The following SFI1 variants were observed in gnomAD, a reference collection of about 807,000 sequenced individuals.
The protein encoded by SFI1 is protein SFI1 homolog.
SFI1 carries 195 observed loss-of-function variants against 207.5 expected under a neutral mutation model. The ratio of observed to expected loss-of-function variants is 0.94; its 90% confidence interval spans 0.84 to 1.06. SFI1 has a LOEUF of 1.06. Ranked by LOEUF, SFI1 falls within the 50% of genes least tolerant of loss-of-function variation. The pLI, the probability that SFI1 is intolerant of heterozygous loss-of-function variation, is 0.00. For synonymous variants in SFI1, 630 were observed against 598.9 expected (o/e 1.05, Z -0.76); for missense variants, 1,634 against 1,588.0 (o/e 1.03, Z -0.49).
chr22:31,570,819 C>T (rs894575717), intron 8 of SFI1, among the ~76,000 whole-genome samples: 3 of 152,026 alleles, frequency 2.0e-5, no homozygotes, highest in East Asian at 1.9e-4. Context: ...GCTGAGCCTG[C>T]GAGGTGCACA....
At chr22:31,511,538 G>A (rs914773101) in intron 2 of SFI1, among the ~76,000 whole-genome samples, 2 of 140,394 alleles carry the variant, frequency 1.4e-5, no homozygotes, top group African/African-American at 5.2e-5. Context: ...CGCGATCTCC[G>A]CTCACTGCAA....
At chr22:31,563,542 C>T (rs1030878514) in intron 8 of SFI1, among the ~76,000 whole-genome samples, 6 of 152,040 alleles carry the variant, frequency 3.9e-5, no homozygotes, top group Non-Finnish European at 8.8e-5. Context: ...ACTGATGCTA[C>T]TGTTGCTCAG....
At chr22:31,611,982 C>T (rs1569461176) in intron 24 of SFI1, 142 bp downstream of exon 24, 7 of 1,437,594 alleles carry the variant, frequency 4.9e-6, no homozygotes, top group Non-Finnish European at 6.4e-6. Context: ...CCTCTACCAC[C>T]TTCCTGTCAT....
chr22:31,599,946 C>G (rs1262129576), intron 15 of SFI1, among the ~76,000 whole-genome samples: 1 of 150,974 alleles, frequency 6.6e-6, no homozygotes, highest in African/African-American at 2.4e-5. Flanking sequence ...TGGTCTTGAA[C>G]TTCTGGGCTC....
chr22:31,593,125 C>T lies in SFI1; in HGVS notation c.1544+3548C>T, dbSNP rs1178370116. ...CTCCCGGATGGGGCGGCTGGCCGGG[C>T]GGGGGGCTGACCCCCCCCCACCTCC... On this transcript the variant is annotated intron_variant, in intron 15 of 32. Transcript: ENST00000400288. Among the ~76,000 whole-genome samples the T allele has an allele frequency of 7.5e-4, 95 of 126,472 alleles. 2 individuals carry two copies. In the South Asian group the frequency reaches 0.013, roughly 18 times the overall value. 83.0% of individuals were successfully genotyped at this position (126,472 alleles called of 152,430 possible). A position where few individuals can be genotyped will look rare whatever the true frequency, so the allele number is the denominator to read the frequency against.
chr22:31,568,222 A>ATT (rs1216435055), intron 8 of SFI1, among the ~76,000 whole-genome samples: 29 of 128,298 alleles, frequency 2.3e-4, no homozygotes, highest in African/African-American at 8.9e-4. Flanking sequence ...ATATATATAT[A>ATT]TATATTTTTT....
rs2072199519 is a variant in SFI1 at position 31,618,349 on chromosome 22, C to T, written c.3660C>T (p.Leu1220=). 1 of 1,609,708 alleles carries T rather than the reference C, an allele frequency of 6.2e-7. No individual in the cohort carries two copies. The highest frequency in any genetic ancestry group is 8.5e-7 in the Non-Finnish European group (1 of 1,177,406). Residue 1220 remains leucine, a synonymous_variant, in exon 33 of 33, where the codon CTC becomes CTT. Coordinates refer to ENST00000400288, the MANE Select transcript of SFI1 (RefSeq NM_001007467.3). ...EMQIQLLAEE[L]QAQRQPIGAC... is the part of the protein sequence containing the mutation. Reference sequence around the variant, plus strand: ...AGATCCAGCTGCTGGCAGAGGAGCTCCAGGCTCAGCGCCAGCCCATTGGCG... The same window carrying T: ...AGATCCAGCTGCTGGCAGAGGAGCTTCAGGCTCAGCGCCAGCCCATTGGCG...
At chr22:31,603,626 GGGT>G in intron 17 of SFI1, 115 bp from the exon 18 acceptor site, 1 of 751,558 alleles carries the variant, frequency 1.3e-6, no homozygotes, top group Non-Finnish European at 1.9e-6. Flanking sequence ...TCTTCAGAGA[GGGT>G]CTTGGCTCCC....
chr22:31,552,740 G>T (rs2060737056), intron 6 of SFI1, among the ~76,000 whole-genome samples: 1 of 152,122 alleles, frequency 6.6e-6, no homozygotes, highest in Non-Finnish European at 1.5e-5. Context: ...AGTTCTTTGA[G>T]AAATCTCCAT....
chr22:31,605,170 A>C (rs1459404106), intron 20 of SFI1: 1 of 384,732 alleles, frequency 2.6e-6, no homozygotes, highest in Non-Finnish European at 4.6e-6. Context: ...TGTTACCTGC[A>C]TGCCTTAAAG....
intron 14 of SFI1, among the ~76,000 whole-genome samples, chr22:31,585,463 A>T (rs1007632489): frequency 7.2e-5 from 11 of 152,148 alleles, no homozygotes; most frequent in Admixed American, 2.0e-4. Context: ...AGGTACAGGG[A>T]GAGGTGCAGA....
chr22:31,527,648 C>A (rs1818679241), intron 2 of SFI1, among the ~76,000 whole-genome samples: 1 of 152,102 alleles, frequency 6.6e-6, no homozygotes, highest in Non-Finnish European at 1.5e-5. Context: ...GTGTGCTTTA[C>A]CCTCAGTGCA....
intron 22 of SFI1, among the ~76,000 whole-genome samples, chr22:31,608,695 G>A (rs1050306802): frequency 6.6e-6 from 1 of 152,212 alleles, no homozygotes; most frequent in South Asian, 2.1e-4. Context: ...TGGGGAGGGG[G>A]TTGTTTTGAT....
At chr22:31,511,652 A>G (rs2055574618) in intron 2 of SFI1, among the ~76,000 whole-genome samples, 1 of 151,524 alleles carries the variant, frequency 6.6e-6, no homozygotes, top group Non-Finnish European at 1.5e-5. Context: ...ATTTCCTTTA[A>G]GTTTTTTGTT....
chr22:31,606,285 T>A lies in SFI1; in HGVS notation c.2055-43T>A, dbSNP rs755758717. On this transcript the variant is annotated intron_variant, in intron 20 of 32. Transcript: ENST00000400288. ...TTCACAGAAGCCTCCCTTCTCTCTC[T>A]ATCCTGGTGTCATCTGCCTTCCTCG... The A allele has an allele frequency of 7.7e-6, 12 of 1,564,720 alleles. No individual in the cohort carries two copies. The East Asian group carries it at 2.7e-4, about 35-fold the overall frequency.
intron 1 of SFI1, among the ~76,000 whole-genome samples, chr22:31,503,248 T>C (rs2054101435): frequency 6.6e-6 from 1 of 152,044 alleles, no homozygotes; most frequent in Non-Finnish European, 1.5e-5. Context: ...AGAAGACTTT[T>C]CCAGTCTCCT....
At chr22:31,614,705 T>A in intron 27 of SFI1, 84 bp from the exon 28 acceptor site, 1 of 1,489,740 alleles carries the variant, frequency 6.7e-7, no homozygotes, top group Non-Finnish European at 9.3e-7. Context: ...AGTCTCCCTA[T>A]AAAATTGGAG....
intron 8 of SFI1, among the ~76,000 whole-genome samples, chr22:31,568,153 CTCTA>C (rs148907239): frequency 3.8e-4 from 44 of 117,254 alleles, no homozygotes; most frequent in African/African-American, 1.3e-3. Context: ...CTCTCTCTCT[CTCTA>C]TATATATATG....
At chr22:31,590,866 T>TTA (rs1569409607) in intron 15 of SFI1, among the ~76,000 whole-genome samples, 1 of 149,660 alleles carries the variant, frequency 6.7e-6, no homozygotes, top group East Asian at 1.9e-4. Flanking sequence ...ATTTTTATTT[T>TTA]TATATATATT....
Sources: allele counts gnomAD v4.1 joint callset (sites outside exome capture counted in the v4.1 genomes callset), GRCh38; gene constraint gnomAD v4.1.1; transcripts MANE v1.5; gene names NCBI Gene and HGNC (gene_info 2026-07-23, HGNC 2026-07-21).